The following NELFA variants were observed in gnomAD, a reference collection of about 807,000 sequenced individuals.
The protein encoded by NELFA is negative elongation factor A.
In NELFA, 35 loss-of-function variants were observed where a neutral mutation model predicts 51.8. The ratio of observed to expected loss-of-function variants is 0.68; its 90% CI spans 0.52 to 0.90. The LOEUF (loss-of-function observed/expected upper bound fraction) is 0.90, where lower values mean the gene tolerates loss of function less well. NELFA is among the 40% of genes least tolerant of loss of function. The probability of loss-of-function intolerance (pLI) is 0.00; values close to 1 mark genes in which losing one functional copy is unlikely to be tolerated. For synonymous variants in NELFA, 417 were observed against 338.4 expected (o/e 1.23, Z -2.55); for missense variants, 658 against 746.4 (o/e 0.88, Z 1.38).
chr4:1,995,022 G>A (rs1354381297), intron 1 of NELFA, among the ~76,000 whole-genome samples: 1 of 152,220 alleles, frequency 6.6e-6, no homozygotes, highest in Non-Finnish European at 1.5e-5. Flanking sequence ...ATGATTCCAG[G>A]TGTGTCTGTG....
At chr4:2,007,868 AAAC>A in intron 1 of NELFA, 1 of 417,030 alleles carries the variant, frequency 2.4e-6, no homozygotes, top group South Asian at 1.7e-5. Flanking sequence ...AGGAACGTTT[AAAC>A]AACCATGGGG....
At chr4:1,991,483 A>C in intron 2 of NELFA, 61 bp downstream of exon 2, 2 of 1,576,870 alleles carry the variant, frequency 1.3e-6, no homozygotes, top group Admixed American at 1.8e-5. Flanking sequence ...TTTCAGAAAA[A>C]AATTTTTCAA....
At chr4:1,988,810 C>T (rs1014871734) in intron 3 of NELFA, among the ~76,000 whole-genome samples, 1 of 152,224 alleles carries the variant, frequency 6.6e-6, no homozygotes, top group African/African-American at 2.4e-5. Context: ...AAGGCAGCAA[C>T]GTGAGAGTAA....
At position 2,008,818 on chromosome 4, in the gene NELFA, G is replaced by T; in HGVS notation, c.142C>A (p.Leu48Ile). The change falls in exon 1 of 11, where the codon CTC becomes ATC. Residue 48 changes from leucine (L) to isoleucine (I), a missense_variant. This residue lies in a region of NELFA where 371 missense variants were observed against 448.3 expected (regional missense o/e 0.83). Transcript: ENST00000382882. ...AACTTGAGCTTCACTGCCGACGAGA[G>T]GCCATGGAAGCAGAGACGGATGTTG... Reference protein sequence around the residue: ...IDNIRLCFHGLSSAVKLKLLL... With the variant: ...IDNIRLCFHGISSAVKLKLLL... The T allele has an allele frequency of 1.2e-6, 2 of 1,611,902 alleles. No individual in the cohort carries two copies. Among genetic ancestry groups the T allele is most frequent in the Non-Finnish European group, 1.7e-6 (2 of 1,179,144 alleles).
Position 1,983,900 on chromosome 4 carries a change from G to A in NELFA, c.1250C>T (p.Pro417Leu), listed in dbSNP as rs774395199. 1.1e-5 allele frequency: 18 copies of A among 1,601,700 alleles called. No homozygotes were observed. The highest frequency in any genetic ancestry group is 1.7e-4 in the Middle Eastern group (1 of 6,002). The stretch of plus-strand genomic sequence containing the variant: ...CTGCTGAGCAGGGGCCTGGGTCTGC[G>A]GGGCCACCATGGCAACCGGGGGTGT... Reference protein sequence around the residue: ...TQTPPVAMVAPQTQAPAQQQP... With the variant: ...TQTPPVAMVALQTQAPAQQQP... The change falls in exon 9 of 11, where the codon CCG becomes CTG. Residue 417 changes from proline (P) to leucine (L), a missense_variant. Coordinates refer to ENST00000382882, the MANE Select transcript of NELFA (RefSeq NM_005663.5).
At chr4:2,003,467 T>C (rs1476928457) in intron 1 of NELFA, among the ~76,000 whole-genome samples, 2 of 152,138 alleles carry the variant, frequency 1.3e-5, no homozygotes, top group African/African-American at 2.4e-5. Flanking sequence ...AGCAAGGACA[T>C]GGAACCAACC....
rs1350512244 is a variant in NELFA, at chr4:1,989,694, C to G, written c.544+14G>C. 3 of 1,610,876 alleles carry G rather than the reference C, an allele frequency of 1.9e-6. No individual in the cohort carries two copies. The highest frequency in any genetic ancestry group is 1.7e-6 in the Non-Finnish European group (2 of 1,178,696). On this transcript the variant is annotated intron_variant, in intron 3 of 10. Transcript: ENST00000382882. This position sits in a 1 kb window ranked among gnomAD's most constrained non-coding sequence, Gnocchi z 4.8. The stretch of plus-strand genomic sequence containing the variant: ...CTACAAAGACAATGCCCGATGGCGG[C>G]CGCGGCCACTCACACTTCTGCAGCA...
intron 1 of NELFA, chr4:1,992,315 C>T (rs1051132117): frequency 4.1e-6 from 1 of 245,000 alleles, no homozygotes; most frequent in Middle Eastern, 6.2e-4. Flanking sequence ...TGGAGGTGGC[C>T]CCGGGATCTG....
intron 8 of NELFA, 68 bp from the exon 9 acceptor site, chr4:1,984,181 G>A (rs1728009496): frequency 2.1e-6 from 3 of 1,430,024 alleles, no homozygotes; most frequent in Non-Finnish European, 1.8e-6. Flanking sequence ...TAGTGCTCCT[G>A]GAGGTGACAG....
intron 1 of NELFA, among the ~76,000 whole-genome samples, chr4:1,992,854 A>G (rs537175456): frequency 2.0e-5 from 3 of 152,278 alleles, no homozygotes; most frequent in South Asian, 2.1e-4. Flanking sequence ...TCTGCCCTGC[A>G]GGACACCCAG....
intron 1 of NELFA, among the ~76,000 whole-genome samples, chr4:2,006,432 A>G (rs957314009): frequency 2.6e-5 from 4 of 152,180 alleles, no homozygotes; most frequent in African/African-American, 9.7e-5. Context: ...GGGCGGATGA[A>G]TACACCATCT....
At chr4:1,997,795 A>C (rs1440338320) in intron 1 of NELFA, among the ~76,000 whole-genome samples, 1 of 152,148 alleles carries the variant, frequency 6.6e-6, no homozygotes, top group Non-Finnish European at 1.5e-5. Flanking sequence ...TGCTTCATTA[A>C]ATGGGTCCTG....
intron 1 of NELFA, chr4:1,991,941 G>A (rs536966562): frequency 6.7e-5 from 32 of 481,108 alleles, no homozygotes; most frequent in African/African-American, 4.8e-4. Context: ...CCCGGCATCC[G>A]GTGCCCTCCC....
chr4:1,995,991 C>T (rs1728412315), intron 1 of NELFA, among the ~76,000 whole-genome samples: 1 of 150,312 alleles, frequency 6.7e-6, no homozygotes, highest in Non-Finnish European at 1.5e-5. Flanking sequence ...ACCTTTAAAA[C>T]AAAAAACAGT....
chr4:1,986,203 C>G lies in NELFA; in HGVS notation c.766-20G>C, dbSNP rs1189630717. ...CAGCAGCTGCCAAGACAAGCACAGC[C>G]CTGCCTTAGTGACGGCACCAGGGCG... On this transcript the variant is annotated intron_variant, in intron 5 of 10. Transcript: ENST00000382882. The G allele has an allele frequency of 6.4e-7, 1 of 1,560,392 alleles. No individual in the cohort carries two copies. The highest frequency in any genetic ancestry group is 8.7e-7 in the Non-Finnish European group (1 of 1,152,078).
intron 4 of NELFA, 65 bp downstream of exon 4, chr4:1,987,853 C>T: frequency 7.3e-7 from 1 of 1,367,662 alleles, no homozygotes; most frequent in South Asian, 1.3e-5. Flanking sequence ...GGGAGCGGGT[C>T]TCCAGGTGAA....
rs1390696863 is a variant in NELFA at position 1,983,611 on chromosome 4, T to C, written c.1387A>G (p.Met463Val). 2.5e-6 allele frequency: 4 copies of C among 1,614,042 alleles called. 1 individual carries two copies. In the South Asian group the frequency reaches 3.3e-5, roughly 13 times the overall value. ...RPEKALILGF[M>V]AGSRENPCQE... ...ATGAACATACCTCGGGAGCCGGCCA[T>C]GAAGCCCAGGATGAGGGCCTTCTCG... The change falls in exon 10 of 11, where the codon ATG (methionine) becomes GTG (valine). Residue 463 changes from methionine to valine, a missense_variant. By Grantham distance (21) the Met-to-Val change is conservative. Around this residue, in one of 3 missense-constraint regions of NELFA, gnomAD observed 87 missense variants for 130.2 expected, o/e 0.67. Coordinates refer to ENST00000382882, the MANE Select transcript of NELFA (RefSeq NM_005663.5).
In NELFA at chr4:1,984,102, G is replaced by C; in HGVS notation, c.1048C>G (p.Arg350Gly). 2 of 1,567,062 alleles carry C rather than the reference G, an allele frequency of 1.3e-6. No homozygotes were observed. The highest frequency in any genetic ancestry group is 1.7e-6 in the Non-Finnish European group (2 of 1,163,560). Residue 350 changes from arginine (R) to glycine (G), a missense_variant, in exon 9 of 11, where the codon CGG becomes GGG. Arg to Gly is a moderately radical substitution (Grantham distance 125, BLOSUM62 -2). Transcript: ENST00000382882. ...SSETPPAPSSREASRPPEEPS... is the reference protein window; with the variant it reads ...SSETPPAPSSGEASRPPEEPS... ...TCCTCTGGTGGGCGGCTGGCTTCCC[G>C]GGAAGATGGGGCTGCAAGTAGACCG...
chr4:2,000,228 G>GAGAGGCAAGAGAGCA (rs1364357553), intron 1 of NELFA, among the ~76,000 whole-genome samples: 79 of 152,104 alleles, frequency 5.2e-4, no homozygotes, highest in African/African-American at 1.7e-3. Flanking sequence ...AAAAGACCCA[G>GAGAGGCAAGAGAGCA]AGAGGCAAGA....
Sources: allele counts gnomAD v4.1 joint callset (sites outside exome capture counted in the v4.1 genomes callset), GRCh38; gene constraint gnomAD v4.1.1; regional missense constraint gnomAD v4.1.1; non-coding constraint Gnocchi (gnomAD v3.1); transcripts MANE v1.5; gene names NCBI Gene and HGNC (gene_info 2026-07-23, HGNC 2026-07-21).